NCAPG2: variants seen among roughly 807,000 people sequenced by gnomAD.
The protein encoded by NCAPG2 is non-SMC condensin II complex subunit G2.
NCAPG2 carries 53 observed loss-of-function variants against 141.1 expected under a neutral mutation model. That is an observed-to-expected ratio of 0.38 (90% confidence interval 0.30 to 0.47). The LOEUF is 0.47. Ranked by LOEUF, NCAPG2 falls within the 20% of genes least tolerant of loss-of-function variation. The probability of loss-of-function intolerance (pLI) is 0.99; values close to 1 mark genes in which losing one functional copy is unlikely to be tolerated. For synonymous variants in NCAPG2, 499 were observed against 490.7 expected (o/e 1.02, Z -0.22); for missense variants, 1,087 against 1,389.0 (o/e 0.78, Z 3.46).
At chr7:158,641,830 C>T (rs1175268184) in intron 27 of NCAPG2, among the ~76,000 whole-genome samples, 1 of 151,944 alleles carries the variant, frequency 6.6e-6, no homozygotes, top group Admixed American at 6.6e-5. Flanking sequence ...ACTATAACAC[C>T]CTCTATCAGA....
At chr7:158,638,084 C>A (rs1171199066) in intron 27 of NCAPG2, among the ~76,000 whole-genome samples, 2 of 152,096 alleles carry the variant, frequency 1.3e-5, no homozygotes, top group African/African-American at 2.4e-5. Context: ...GCAAAGGTTG[C>A]AGTGAGCCAA....
chr7:158,646,333 T>A, intron 25 of NCAPG2, 127 bp downstream of exon 25: 1 of 623,220 alleles, frequency 1.6e-6, no homozygotes, highest in South Asian at 2.2e-5. Context: ...AAAAATTATA[T>A]GAAACATTTT....
At position 158,664,572 on chromosome 7, in the gene NCAPG2, C is replaced by A. The variant is rs775607210; in HGVS notation, c.1658G>T (p.Arg553Met). Residue 553 changes from arginine to methionine, a missense_variant, in exon 14 of 28, where the codon AGG becomes ATG. Coordinates refer to ENST00000356309, the MANE Select transcript of NCAPG2 (RefSeq NM_017760.7). ...GTGTTCGTGGGCGTACTGATAGAACCTCCTGGCAGCGGCGTGGTTCATCTG... is the reference window on the plus strand; with the variant it reads ...GTGTTCGTGGGCGTACTGATAGAACATCCTGGCAGCGGCGTGGTTCATCTG... Reference protein sequence around the residue: ...LVQMNHAAARRFYQYAHEHTA... With the variant: ...LVQMNHAAARMFYQYAHEHTA... 11 of 1,614,032 alleles carry A rather than the reference C, an allele frequency of 6.8e-6. No individual in the cohort carries two copies. Among genetic ancestry groups the A allele is most frequent in the Non-Finnish European group, 9.3e-6 (11 of 1,180,034 alleles).
intron 13 of NCAPG2, among the ~76,000 whole-genome samples, chr7:158,665,761 C>T (rs1832881157): frequency 6.6e-6 from 1 of 152,106 alleles, no homozygotes; most frequent in African/African-American, 2.4e-5. Context: ...ACAATGCAGT[C>T]CACCCTCACT....
chr7:158,689,054 G>A (rs1375434486), intron 6 of NCAPG2, among the ~76,000 whole-genome samples: 1 of 152,244 alleles, frequency 6.6e-6, no homozygotes, highest in African/African-American at 2.4e-5. Context: ...GCATGTAGTC[G>A]ACGCTCAGTA....
At chr7:158,671,484 T>C in intron 13 of NCAPG2, 30 bp downstream of exon 13, 1 of 1,612,940 alleles carries the variant, frequency 6.2e-7, no homozygotes, top group Admixed American at 1.7e-5. Flanking sequence ...CTATTTCATG[T>C]CATAAGTAAA....
rs945928092 is a variant in NCAPG2 at position 158,660,401 on chromosome 7, C to CTTTTTTTTT, written c.1989+1784_1989+1792dup. On this transcript the variant is annotated intron_variant, in intron 16 of 27. Coordinates refer to ENST00000356309, the MANE Select transcript of NCAPG2 (RefSeq NM_017760.7). ...AGTCCCAGGTCATTATTTCAGCTTT[C>CTTTTTTTTT]TTTTTTTTTTTTTTTTTTTTTTTTT... is the stretch of plus-strand genomic sequence containing the variant. 1.0e-3 allele frequency among the ~76,000 whole-genome samples: 73 copies of CTTTTTTTTT among 72,796 alleles called. 4 individuals are homozygous for CTTTTTTTTT. The highest frequency in any genetic ancestry group is 3.6e-3 in the African/African-American group (66 of 18,110). The allele number at this position is 72,796 out of a possible 152,430, so 47.8% of individuals were successfully genotyped here.
intron 17 of NCAPG2, among the ~76,000 whole-genome samples, chr7:158,658,119 C>G (rs1331512428): frequency 1.3e-5 from 2 of 151,198 alleles, no homozygotes; most frequent in Non-Finnish European, 3.0e-5. Context: ...GCCAAATCCC[C>G]CTCTGTGAGA....
intron 27 of NCAPG2, among the ~76,000 whole-genome samples, chr7:158,643,335 C>T (rs1466884166): frequency 6.6e-6 from 1 of 152,076 alleles, no homozygotes; most frequent in Admixed American, 6.5e-5. Flanking sequence ...CCTGCCTTGG[C>T]CTCCCAAAGT....
intron 13 of NCAPG2, chr7:158,667,250 G>T (rs1587181999): frequency 1.0e-6 from 1 of 983,958 alleles, no homozygotes; most frequent in Non-Finnish European, 1.2e-6. Flanking sequence ...TTCCTGGTGG[G>T]CCAGAGACCC....
At chr7:158,683,903 C>T (rs1023810141) in intron 8 of NCAPG2, among the ~76,000 whole-genome samples, 3 of 152,194 alleles carry the variant, frequency 2.0e-5, no homozygotes, top group Non-Finnish European at 4.4e-5. Context: ...CAGCCCCATG[C>T]ACTAATGGTA....
At chr7:158,662,410 C>A (rs1806560502) in intron 15 of NCAPG2, 43 bp from the exon 16 acceptor site, 38 of 1,475,260 alleles carry the variant, frequency 2.6e-5, no homozygotes, top group Non-Finnish European at 3.3e-5. Flanking sequence ...CTAATCATAG[C>A]AACTACTAAA....
chr7:158,637,554 A>C (rs1830350718), intron 27 of NCAPG2, among the ~76,000 whole-genome samples: 1 of 152,294 alleles, frequency 6.6e-6, no homozygotes, highest in Admixed American at 6.5e-5. Context: ...GGGACTCAAG[A>C]GAGTAGGCTT....
chr7:158,645,892 A>C (rs1212620084), intron 25 of NCAPG2, among the ~76,000 whole-genome samples: 2 of 152,190 alleles, frequency 1.3e-5, no homozygotes, highest in Non-Finnish European at 2.9e-5. Flanking sequence ...AAGATTTAAT[A>C]TGTTGTTGAA....
At chr7:158,662,507 G>C in intron 15 of NCAPG2, 140 bp from the exon 16 acceptor site, 1 of 688,278 alleles carries the variant, frequency 1.5e-6, no homozygotes, top group Non-Finnish European at 2.2e-6. Flanking sequence ...CTCCACTTTA[G>C]AATCTTCTAG....
rs915201878 is a variant in NCAPG2 at position 158,667,094 on chromosome 7, C to T, written c.1480-2344G>A. On this transcript the variant is annotated intron_variant, in intron 13 of 27. Transcript: ENST00000356309. ...TCTTATACTCATGTCATTCTGTAAC[C>T]TTAACTTTCAAGGGAAATTAGCTTG... 9 of 975,468 alleles carry T rather than the reference C, an allele frequency of 9.2e-6. No homozygotes were observed. The South Asian group carries it at 4.3e-4, about 46-fold the overall frequency. The allele number at this position is 975,468 out of a possible 1,614,324, so 60.4% of individuals were successfully genotyped here.
intron 13 of NCAPG2, chr7:158,668,326 G>GCCTTCCTTACCGCCCCTGGGT (rs1833406337): frequency 1.1e-6 from 1 of 915,710 alleles, no homozygotes; most frequent in African/African-American, 2.9e-5. Flanking sequence ...GGGTCCCTCC[G>GCCTTCCTTACCGCCCCTGGGT]CCCTCCCTTA....
chr7:158,701,761 T>C, intron 2 of NCAPG2, 61 bp downstream of exon 2: 1 of 1,419,240 alleles, frequency 7.0e-7, no homozygotes, highest in Non-Finnish European at 9.9e-7. Flanking sequence ...ACATAATGAC[T>C]TTAGAACATA....
rs746557090 is a variant in NCAPG2 at position 158,652,500 on chromosome 7, A to G, written c.2747-20T>C. 7.8e-6 allele frequency: 12 copies of G among 1,544,560 alleles called. No individual in the cohort carries two copies. The highest frequency in any genetic ancestry group is 1.1e-5 in the Non-Finnish European group (12 of 1,131,148). On this transcript the variant is annotated intron_variant, in intron 22 of 27. Transcript: ENST00000356309. ...CCTTCACTAGAAAGAAAATTGGAATATATCAGTTTTCTAATCACACAAGTT... is the reference window on the plus strand; with the variant it reads ...CCTTCACTAGAAAGAAAATTGGAATGTATCAGTTTTCTAATCACACAAGTT...
Sources: gnomAD v4.1 joint callset for allele counts (sites outside exome capture counted in the v4.1 genomes callset) on GRCh38, gnomAD v4.1.1 for gene constraint, MANE v1.5 for transcripts, NCBI Gene and HGNC (gene_info 2026-07-23, HGNC 2026-07-21) for gene names.